Variants in LSG1 observed in about 807,000 individuals in gnomAD.
LSG1 encodes large subunit GTPase 1 homolog.
A neutral mutation model predicts 82.6 loss-of-function variants in LSG1; 55 were observed. The observed-to-expected ratio is 0.67, with a 90% CI of 0.54 to 0.83. The LOEUF (loss-of-function observed/expected upper bound fraction) is 0.83. Ranked by LOEUF, LSG1 falls within the 40% of genes least tolerant of loss-of-function variation. The probability of loss-of-function intolerance (pLI) is 0.00; values close to 1 mark genes in which losing one functional copy is unlikely to be tolerated. For synonymous variants in LSG1, 272 were observed against 282.5 expected (o/e 0.96, Z 0.37); for missense variants, 809 against 807.9 (o/e 1.00, Z -0.02).
chr3:194,653,895 C>CACA (rs770753564), intron 7 of LSG1, among the ~76,000 whole-genome samples: 4 of 152,054 alleles, frequency 2.6e-5, no homozygotes, highest in Non-Finnish European at 5.9e-5. Flanking sequence ...AAACCACCAC[C>CACA]ACAACAACAA....
intron 2 of LSG1, among the ~76,000 whole-genome samples, chr3:194,667,942 A>AATATATATATAT (rs763693435): frequency 2.1e-4 from 18 of 86,966 alleles, no homozygotes; most frequent in South Asian, 4.2e-4. Flanking sequence ...AAAAAAAAAA[A>AATATATATATAT]ATATATATAT....
In LSG1 at chr3:194,653,287, C is replaced by T. The variant is rs9829168; in HGVS notation, c.760-145G>A. On this transcript the variant is annotated intron_variant, in intron 7 of 13. Coordinates refer to ENST00000265245, the MANE Select transcript of LSG1 (RefSeq NM_018385.3). ...CCCAGCACTTTGGGAGGCCAAGGTG[C>T]GCAGATCATTTGAGGTCAGGAGTTT... is the stretch of plus-strand genomic sequence containing the variant. 7.9e-5 allele frequency: 57 copies of T among 723,140 alleles called. 1 individual carries two copies. Among genetic ancestry groups the T allele is most frequent in the South Asian group, 5.9e-4 (32 of 54,384 alleles). The allele number at this position is 723,140 out of a possible 1,614,324, so 44.8% of individuals were successfully genotyped here.
At chr3:194,667,072 GT>G (rs559179885) in intron 2 of LSG1, among the ~76,000 whole-genome samples, 7 of 148,016 alleles carry the variant, frequency 4.7e-5, no homozygotes, top group South Asian at 2.2e-4. Flanking sequence ...TTTGTCTTCT[GT>G]TTTTTTTTTG....
intron 11 of LSG1, 113 bp downstream of exon 11, chr3:194,648,565 ATAT>A (rs1718601723): frequency 1.7e-6 from 2 of 1,179,716 alleles, no homozygotes. Flanking sequence ...TGCTGAAGAA[ATAT>A]TATAAATGTG....
intron 12 of LSG1, among the ~76,000 whole-genome samples, chr3:194,645,585 C>CACACACACACACAGACAG: frequency 1.3e-5 from 1 of 74,652 alleles, no homozygotes; most frequent in Non-Finnish European, 2.9e-5. Context: ...GACACACACA[C>CACACACACACACAGACAG]ACACACACAC....
At chr3:194,654,222 A>G (rs1718746137) in intron 7 of LSG1, among the ~76,000 whole-genome samples, 1 of 152,188 alleles carries the variant, frequency 6.6e-6, no homozygotes, top group Admixed American at 6.5e-5. Context: ...ACTCAACTCC[A>G]CATGTGGAAA....
intron 5 of LSG1, among the ~76,000 whole-genome samples, chr3:194,663,058 T>C (rs959466207): frequency 6.6e-6 from 1 of 152,088 alleles, no homozygotes; most frequent in Non-Finnish European, 1.5e-5. Flanking sequence ...ACAGATAATA[T>C]AGGAAGTAGG....
At chr3:194,671,968 C>G in intron 1 of LSG1, 96 bp downstream of exon 1, 1 of 1,107,118 alleles carries the variant, frequency 9.0e-7, no homozygotes, top group Non-Finnish European at 1.4e-6. Flanking sequence ...CCGGCTGAGG[C>G]GTCCCTCCTG....
intron 5 of LSG1, among the ~76,000 whole-genome samples, chr3:194,662,451 A>G (rs1175161170): frequency 1.3e-5 from 2 of 152,142 alleles, no homozygotes; most frequent in African/African-American, 4.8e-5. Context: ...TCCTGGCAGG[A>G]GATCATTCTT....
At chr3:194,660,003 T>G (rs756635452) in intron 6 of LSG1, 70 bp downstream of exon 6, 150 of 1,314,598 alleles carry the variant, frequency 1.1e-4, no homozygotes, top group Non-Finnish European at 1.3e-4. Flanking sequence ...CTACAGTCAT[T>G]GCTGAGGGAT....
Position 194,642,147 on chromosome 3 carries a change from G to A in LSG1, c.1898C>T (p.Ala633Val), listed in dbSNP as rs148803086. The change falls in exon 14 of 14, where the codon GCG becomes GTG. Residue 633 changes from alanine (A) to valine (V), a missense_variant. Ala to Val is a moderately conservative substitution (Grantham distance 64). Coordinates refer to ENST00000265245, the MANE Select transcript of LSG1 (RefSeq NM_018385.3). ...TASTASSENG[A>V]GKPWKKHGNR... Reference sequence around the variant, plus strand: ...GCCATGTTTTTTCCAGGGCTTCCCCGCCCCGTTCTCAGAGCTCGCAGTGGA... The same window carrying A: ...GCCATGTTTTTTCCAGGGCTTCCCCACCCCGTTCTCAGAGCTCGCAGTGGA... The A allele has an allele frequency of 1.5e-4, 237 of 1,613,566 alleles. No individual in the cohort carries two copies. Among genetic ancestry groups the A allele is most frequent in the South Asian group, 2.2e-4 (20 of 91,018 alleles).
At chr3:194,654,146 T>C (rs1034803687) in intron 7 of LSG1, among the ~76,000 whole-genome samples, 2 of 152,208 alleles carry the variant, frequency 1.3e-5, no homozygotes, top group African/African-American at 4.8e-5. Flanking sequence ...TCTCTCATAA[T>C]TGCTTTTAGA....
chr3:194,645,942 A>G (rs1718541462), intron 12 of LSG1, among the ~76,000 whole-genome samples: 1 of 152,216 alleles, frequency 6.6e-6, no homozygotes, highest in Non-Finnish European at 1.5e-5. Flanking sequence ...AAAAAGCCAG[A>G]TGCATATATT....
intron 7 of LSG1, among the ~76,000 whole-genome samples, chr3:194,655,546 T>C (rs1718773569): frequency 6.6e-6 from 1 of 152,204 alleles, no homozygotes; most frequent in Non-Finnish European, 1.5e-5. Flanking sequence ...GAGTAAAATA[T>C]GTAAAGTGTT....
chr3:194,643,589 A>T (rs1218560087), intron 13 of LSG1, among the ~76,000 whole-genome samples: 1 of 152,222 alleles, frequency 6.6e-6, no homozygotes, highest in Non-Finnish European at 1.5e-5. Context: ...GAAACCTCCT[A>T]CATCACTGGG....
rs1718660797 is a variant in LSG1 at position 194,650,948 on chromosome 3, G to C, written c.1352C>G (p.Ala451Gly). The C allele has an allele frequency of 6.2e-7, 1 of 1,614,186 alleles. No individual in the cohort carries two copies. Among genetic ancestry groups the C allele is most frequent in the Non-Finnish European group, 8.5e-7 (1 of 1,180,030 alleles). The change falls in exon 10 of 14, where the codon GCA (alanine) becomes GGA (glycine). Residue 451 changes from alanine (A) to glycine (G), a missense_variant. Coordinates refer to ENST00000265245, the MANE Select transcript of LSG1 (RefSeq NM_018385.3). ...GAGGATTCCGCTGCAAGTCATTTCT[G>C]CCTTGGTAGACACAAAAGATGGCAT... The part of the protein sequence containing the change: ...LVMPSFVSTK[A>G]EMTCSGILPI...
chr3:194,661,140 C>T (rs951190838), intron 5 of LSG1, among the ~76,000 whole-genome samples: 4 of 152,312 alleles, frequency 2.6e-5, no homozygotes, highest in Middle Eastern at 3.4e-3. Flanking sequence ...ATTAAAAGTG[C>T]ATTTTCTTTT....
intron 2 of LSG1, 102 bp from the exon 3 acceptor site, chr3:194,666,674 G>T: frequency 2.1e-6 from 2 of 944,508 alleles, no homozygotes; most frequent in Non-Finnish European, 1.6e-6. Context: ...GAGCCTAAGA[G>T]AACTTAAGAT....
rs761216994 is a variant in LSG1 at position 194,642,243 on chromosome 3, T to C, written c.1802A>G (p.Asn601Ser). ...GACTCCTTTGGTCAAAGCCCTCACA[T>C]TCTCCTAGGAAATAAGAGAAAACAT... Reference protein sequence around the residue: ...IVDKTFFHQENVRALTKGVQA... With the variant: ...IVDKTFFHQESVRALTKGVQA... Residue 601 changes from asparagine (N) to serine (S), a missense_variant, in exon 14 of 14, where the codon AAT becomes AGT. Asn to Ser is a conservative substitution (Grantham distance 46, BLOSUM62 1). Transcript: ENST00000265245. 15 of 1,612,330 alleles carry C rather than the reference T, an allele frequency of 9.3e-6. No individual in the cohort carries two copies. The highest frequency in any genetic ancestry group is 1.3e-5 in the Non-Finnish European group (15 of 1,179,370).
Sources: allele counts gnomAD v4.1 joint callset (sites outside exome capture counted in the v4.1 genomes callset), GRCh38; gene constraint gnomAD v4.1.1; transcripts MANE v1.5; gene names NCBI Gene and HGNC (gene_info 2026-07-23, HGNC 2026-07-21).